Variants in PPIL2 observed in about 807,000 individuals in gnomAD.
PPIL2 encodes RING-type E3 ubiquitin-protein ligase PPIL2.
In PPIL2, 50 loss-of-function variants were observed where a neutral mutation model predicts 75.2. The ratio of observed to expected loss-of-function variants is 0.66; its 90% confidence interval spans 0.53 to 0.84. The LOEUF (loss-of-function observed/expected upper bound fraction) is 0.84. Ranked by LOEUF, PPIL2 falls within the 40% of genes least tolerant of loss-of-function variation. The probability of loss-of-function intolerance (pLI) is 0.00; values close to 1 mark genes in which losing one functional copy is unlikely to be tolerated. For synonymous variants in PPIL2, 245 were observed against 258.8 expected (o/e 0.95, Z 0.51); for missense variants, 590 against 685.0 (o/e 0.86, Z 1.55).
At chr22:21,670,393 T>A (rs2066585831) in intron 2 of PPIL2, 173 bp from the exon 3 acceptor site, 4 of 1,484,944 alleles carry the variant, frequency 2.7e-6, no homozygotes, top group Non-Finnish European at 3.6e-6. Flanking sequence ...TCTTTTTTGA[T>A]GTACCCCAAG....
intron 15 of PPIL2, among the ~76,000 whole-genome samples, chr22:21,692,255 A>C (rs1293804471): frequency 2.0e-4 from 30 of 150,818 alleles, no homozygotes; most frequent in Admixed American, 1.5e-3. Context: ...TCCCAGGTTC[A>C]TGCCATTCTC....
At position 21,696,346 on chromosome 22, in the gene PPIL2, C is replaced by T. The variant is rs1454123385; in HGVS notation, c.*856C>T. The T allele has an allele frequency of 2.6e-6, 3 of 1,134,082 alleles. No homozygotes were observed. The highest frequency in any genetic ancestry group is 3.3e-6 in the Non-Finnish European group (3 of 917,536). 70.3% of individuals were successfully genotyped at this position (1,134,082 alleles called of 1,614,324 possible). On this transcript the variant is annotated 3_prime_UTR_variant, in exon 20 of 20. Transcript: ENST00000398831. The stretch of plus-strand genomic sequence containing the variant: ...ACCCACACTGGGTTGAGGCCAGTGT[C>T]TCCTGCTGTGAGAACAAGTGGATGT...
Position 21,681,409 on chromosome 22 carries a change from G to T in PPIL2, c.387+19G>T. On this transcript the variant is annotated intron_variant, in intron 7 of 19. Transcript: ENST00000398831. The stretch of plus-strand genomic sequence containing the variant: ...CTATGAGGTGTGTCCTCGCTCCGGG[G>T]CGTGGAGACAGCGGTGGGGAGATCT... The T allele has an allele frequency of 6.3e-7, 1 of 1,593,268 alleles. No individual in the cohort carries two copies. Among genetic ancestry groups the T allele is most frequent in the Non-Finnish European group, 8.6e-7 (1 of 1,161,130 alleles).
rs763055848 is a variant in PPIL2 at position 21,689,669 on chromosome 22, A to AGTCACGTCACC, written c.1139+834_1139+844dup. Among the ~76,000 whole-genome samples, 10 of 152,330 alleles carry AGTCACGTCACC rather than the reference A, an allele frequency of 6.6e-5. No individual in the cohort carries two copies. The South Asian group carries it at 2.1e-3, about 32-fold the overall frequency. On this transcript the variant is annotated intron_variant, in intron 15 of 19. Transcript: ENST00000398831. ...TCTCTGCTTCCCTGGTGTGCACATC[A>AGTCACGTCACC]GTCACGTCACCGTCACGTCACCGTG... is the stretch of plus-strand genomic sequence containing the variant.
chr22:21,691,920 C>T (rs556154019), intron 15 of PPIL2, among the ~76,000 whole-genome samples: 20 of 152,152 alleles, frequency 1.3e-4, no homozygotes, highest in Non-Finnish European at 4.4e-5. Flanking sequence ...GGAGCGTGTC[C>T]CTGCGTGGCT....
At chr22:21,691,898 TTGG>T (rs963243568) in intron 15 of PPIL2, among the ~76,000 whole-genome samples, 14 of 152,322 alleles carry the variant, frequency 9.2e-5, no homozygotes, top group Middle Eastern at 6.8e-3. Context: ...GTGGTCAGAC[TTGG>T]TGGGCTCAGG....
At chr22:21,675,681 T>C (rs2148513907) in intron 6 of PPIL2, among the ~76,000 whole-genome samples, 1 of 152,316 alleles carries the variant, frequency 6.6e-6, no homozygotes, top group African/African-American at 2.4e-5. Flanking sequence ...GTGGGCACAG[T>C]TGGATCTGCA....
rs775930228 is a variant in PPIL2, at chr22:21,670,581, AT to A, written c.102del (p.Arg35ValfsTer30). On this transcript the variant is annotated frameshift_variant, in exon 3 of 20. Coordinates refer to ENST00000398831, the MANE Select transcript of PPIL2 (RefSeq NM_014337.4). LOFTEE classifies it high-confidence loss of function. ...TTTTAAACAGATCTCCCACAAACAA[AT>A]TTTCGTCGTTTACCTTTTGACCACT... ...GGKKPDLPQT[N>X]FRRLPFDHCS... The A allele has an allele frequency of 6.2e-6, 10 of 1,611,446 alleles. No individual in the cohort carries two copies. Among genetic ancestry groups the A allele is most frequent in the Non-Finnish European group, 8.5e-6 (10 of 1,177,566 alleles).
chr22:21,681,468 T>G (rs2067128623), intron 7 of PPIL2, 78 bp downstream of exon 7: 1 of 1,314,130 alleles, frequency 7.6e-7, no homozygotes. Context: ...CTGGCTGGGC[T>G]GTGTGCTACG....
At chr22:21,692,456 T>TGC (rs2067714410) in intron 15 of PPIL2, among the ~76,000 whole-genome samples, 2 of 151,242 alleles carry the variant, frequency 1.3e-5, no homozygotes, top group Non-Finnish European at 2.9e-5. Flanking sequence ...GCCTGGCCAA[T>TGC]CCTGACAATC....
chr22:21,697,528 G>C lies in PPIL2; in HGVS notation c.*2038G>C, dbSNP rs2067985240. 1 of 157,058 alleles carries C rather than the reference G, an allele frequency of 6.4e-6. No individual in the cohort carries two copies. Among genetic ancestry groups the C allele is most frequent in the Non-Finnish European group, 1.4e-5 (1 of 71,010 alleles). 9.7% of individuals were successfully genotyped at this position (157,058 alleles called of 1,614,324 possible). A position where few individuals can be genotyped will look rare whatever the true frequency, so the allele number is the denominator to read the frequency against. ...ATCAGGACATGGCCTCGTCCACTGA[G>C]GGCACGATTTAAACATTTGACATCA... On this transcript the variant is annotated 3_prime_UTR_variant, in exon 20 of 20. Transcript: ENST00000398831.
intron 10 of PPIL2, among the ~76,000 whole-genome samples, 157 bp downstream of exon 10, chr22:21,685,070 C>T (rs906633110): frequency 6.6e-6 from 1 of 152,226 alleles, no homozygotes; most frequent in Non-Finnish European, 1.5e-5. Flanking sequence ...CCTGATGGCT[C>T]TGAGTGCACA....
At chr22:21,686,444 C>T in intron 10 of PPIL2, 39 bp from the exon 11 acceptor site, 2 of 1,584,360 alleles carry the variant, frequency 1.3e-6, no homozygotes, top group Non-Finnish European at 1.7e-6. Flanking sequence ...AACTGCCTCC[C>T]ATGGCACTGC....
chr22:21,689,181 G>A (rs1415047872), intron 15 of PPIL2, among the ~76,000 whole-genome samples: 1 of 152,242 alleles, frequency 6.6e-6, no homozygotes, highest in Non-Finnish European at 1.5e-5. Flanking sequence ...GAGGGGTTGT[G>A]CAGGGCACAG....
intron 15 of PPIL2, among the ~76,000 whole-genome samples, chr22:21,692,782 T>C (rs566326084): frequency 5.9e-5 from 9 of 151,434 alleles, no homozygotes; most frequent in Non-Finnish European, 1.0e-4. Context: ...AAAAATTAGC[T>C]GGGCGTGATG....
chr22:21,692,363 C>A lies in PPIL2; in HGVS notation c.1140-1453C>A, dbSNP rs563363017. ...TAGAGATGGGGTTTCACCGTGTTAG[C>A]GAGGATGGTCTCGATCTCCTGACCT... On this transcript the variant is annotated intron_variant, in intron 15 of 19. Coordinates refer to ENST00000398831, the MANE Select transcript of PPIL2 (RefSeq NM_014337.4). Among the ~76,000 whole-genome samples, 1,017 of 151,356 alleles carry A rather than the reference C, an allele frequency of 6.7e-3. 4 individuals carry two copies. The highest frequency in any genetic ancestry group is 9.7e-3 in the Non-Finnish European group (655 of 67,822).
intron 6 of PPIL2, among the ~76,000 whole-genome samples, chr22:21,680,430 C>T (rs1355285641): frequency 1.3e-5 from 2 of 152,098 alleles, no homozygotes; most frequent in East Asian, 1.9e-4. Flanking sequence ...ACTCCGGAGG[C>T]GGAGGCAGCA....
chr22:21,693,370 A>G (rs907012920), intron 15 of PPIL2, among the ~76,000 whole-genome samples: 3 of 152,140 alleles, frequency 2.0e-5, no homozygotes, highest in African/African-American at 4.8e-5. Flanking sequence ...TTCTTAGTCC[A>G]TGTTTATTTA....
chr22:21,682,263 C>T (rs535576439), intron 7 of PPIL2, among the ~76,000 whole-genome samples, 174 bp from the exon 8 acceptor site: 4 of 152,282 alleles, frequency 2.6e-5, no homozygotes, highest in South Asian at 2.1e-4. Flanking sequence ...CAGCCAGCTC[C>T]GCCTCTGTGG....
Sources: allele counts gnomAD v4.1 joint callset (sites outside exome capture counted in the v4.1 genomes callset), GRCh38; gene constraint gnomAD v4.1.1; transcripts MANE v1.5; gene names NCBI Gene and HGNC (gene_info 2026-07-23, HGNC 2026-07-21).